Variants in LRP1 observed in about 807,000 individuals in gnomAD.
LRP1 encodes LDL receptor related protein 1, also known as prolow-density lipoprotein receptor-related protein 1.
A neutral mutation model predicts 541.5 loss-of-function variants in LRP1; 51 were observed. The observed-to-expected ratio is 0.09, with a 90% CI of 0.08 to 0.12. The LOEUF (loss-of-function observed/expected upper bound fraction) is 0.12. Among genes scored for constraint, LRP1 ranks in the 10% least tolerant of loss-of-function variants. The probability of loss-of-function intolerance (pLI) is 1.00; values close to 1 mark genes in which losing one functional copy is unlikely to be tolerated. For synonymous variants in LRP1, 2,219 were observed against 2,470.8 expected, an observed-to-expected ratio of 0.90 and a Z score of 3.02; for missense variants, 3,878 against 6,376.2, an observed-to-expected ratio of 0.61 and a Z score of 13.34.
Position 57,183,313 on chromosome 12 carries a change from G to A in LRP1, c.5663-66G>A. 3 of 1,532,098 alleles carry A rather than the reference G, an allele frequency of 2.0e-6. No individual in the cohort carries two copies. The highest frequency in any genetic ancestry group is 2.7e-6 in the Non-Finnish European group (3 of 1,122,032). The allele number at this position is 1,532,098 out of a possible 1,614,324, so 94.9% of individuals were successfully genotyped here. On this transcript the variant is annotated intron_variant, in intron 34 of 88. Transcript: ENST00000243077. The surrounding 1 kb of genome is among the most constrained non-coding windows in gnomAD (Gnocchi z 6.1). ...AAGGAGAAGCAGAGAACAGTTGGAGGGTGACAGGAACCAAGTTTAAGGGAG... is the reference window on the plus strand; with the variant it reads ...AAGGAGAAGCAGAGAACAGTTGGAGAGTGACAGGAACCAAGTTTAAGGGAG...
intron 41 of LRP1, among the ~76,000 whole-genome samples, chr12:57,186,693 C>T (rs2036277664): frequency 6.6e-6 from 1 of 152,174 alleles, no homozygotes; most frequent in Admixed American, 6.5e-5. Flanking sequence ...CACATCAATC[C>T]CCAGACCCCT....
chr12:57,185,523 TC>T lies in LRP1; in HGVS notation c.6464-3del. ...AGGCCCTGCCCTCTGTACCCTCCCCTCCCCCAGGCACCAACGTGTGCGCGGT... is the reference window on the plus strand; with the variant it reads ...AGGCCCTGCCCTCTGTACCCTCCCCTCCCCAGGCACCAACGTGTGCGCGGT... On this transcript the variant is annotated splice_polypyrimidine_tract_variant and splice_region_variant and intron_variant, in intron 40 of 88. Transcript: ENST00000243077. The surrounding 1 kb of genome is among the most constrained non-coding windows in gnomAD (Gnocchi z 4.9). The T allele has an allele frequency of 3.8e-6, 6 of 1,577,274 alleles. No homozygotes were observed. Among genetic ancestry groups the T allele is most frequent in the Non-Finnish European group, 1.7e-6 (2 of 1,159,418 alleles).
chr12:57,182,303 A>G (rs7398391), intron 34 of LRP1, among the ~76,000 whole-genome samples: 66,408 of 151,348 alleles, frequency 0.44, 16,471 homozygotes, highest in African/African-American at 0.68. Context: ...TTGAGGTCAG[A>G]AGTTTGAGAC....
chr12:57,203,743 C>A (rs2036708288), intron 70 of LRP1: 1 of 566,390 alleles, frequency 1.8e-6, no homozygotes, highest in Non-Finnish European at 2.9e-6. Context: ...TTGTGCCCAG[C>A]TCAATGCCCC....
chr12:57,151,703 G>T (rs899646561), intron 6 of LRP1, among the ~76,000 whole-genome samples: 1 of 152,184 alleles, frequency 6.6e-6, no homozygotes, highest in African/African-American at 2.4e-5. Context: ...TGGAGGCAAG[G>T]TTCCTCCTCT....
chr12:57,180,492 G>T lies in LRP1; in HGVS notation c.5386+13G>T, dbSNP rs1451730843. 6.2e-7 allele frequency: 1 copy of T among 1,613,552 alleles called. No homozygotes were observed. The highest frequency in any genetic ancestry group is 8.5e-7 in the Non-Finnish European group (1 of 1,179,872). ...CTGGCCATCATGGGTGAGGGCTGCTGGGCGAAGCAGAGATGACGCAGAGCA... is the reference window on the plus strand; with the variant it reads ...CTGGCCATCATGGGTGAGGGCTGCTTGGCGAAGCAGAGATGACGCAGAGCA... On this transcript the variant is annotated intron_variant, in intron 32 of 88. Coordinates refer to ENST00000243077, the MANE Select transcript of LRP1 (RefSeq NM_002332.3).
Position 57,158,044 on chromosome 12 carries a change from A to G in LRP1, c.1562-358A>G, listed in dbSNP as rs996703455. On this transcript the variant is annotated intron_variant, in intron 10 of 88. Transcript: ENST00000243077. This position sits in a 1 kb window ranked among gnomAD's most constrained non-coding sequence, Gnocchi z 5.3. ...GTGGGCAAGAAGTGATGTGGTTTAC[A>G]CTAGGATGGCAGCAGAGGAAGTGGT... Among the ~76,000 whole-genome samples, 2 of 152,204 alleles carry G rather than the reference A, an allele frequency of 1.3e-5. No individual in the cohort carries two copies. The highest frequency in any genetic ancestry group is 1.3e-4 in the Admixed American group (2 of 15,292).
chr12:57,201,700 G>C lies in LRP1; in HGVS notation c.10469-80G>C, dbSNP rs2036659693. The C allele has an allele frequency of 1.3e-6, 2 of 1,595,278 alleles. No individual in the cohort carries two copies. The highest frequency in any genetic ancestry group is 1.7e-6 in the Non-Finnish European group (2 of 1,167,022). ...ACCCCGACGTGTGACCCCCTCAGTG[G>C]CTGCTCCCTCACTCTCCCCACCCTC... On this transcript the variant is annotated intron_variant, in intron 66 of 88. Transcript: ENST00000243077. This position sits in a 1 kb window ranked among gnomAD's most constrained non-coding sequence, Gnocchi z 6.4.
Position 57,208,597 on chromosome 12 carries a change from C to T in LRP1, c.12039-114C>T, listed in dbSNP as rs2036838589. The T allele has an allele frequency of 7.6e-6, 5 of 656,764 alleles. 1 individual carries two copies. Among genetic ancestry groups the T allele is most frequent in the African/African-American group, 1.8e-5 (1 of 55,182 alleles). The allele number at this position is 656,764 out of a possible 1,614,324, so 40.7% of individuals were successfully genotyped here. A position where few individuals can be genotyped will look rare whatever the true frequency, so the allele number is the denominator to read the frequency against. ...GCTTCTCTGTAGAAGGACAGAATGC[C>T]CTCCTCCCAGTCCCCAGCAGTCCCT... On this transcript the variant is annotated intron_variant, in intron 77 of 88. Coordinates refer to ENST00000243077, the MANE Select transcript of LRP1 (RefSeq NM_002332.3).
chr12:57,187,715 A>G (rs1313383207), intron 42 of LRP1, among the ~76,000 whole-genome samples: 1 of 152,196 alleles, frequency 6.6e-6, no homozygotes, highest in African/African-American at 2.4e-5. Flanking sequence ...TGCCTTTGTG[A>G]TTGATTCATT....
chr12:57,181,266 C>G lies in LRP1; in HGVS notation c.5637C>G (p.Leu1879=). ...GCATGTGCACAGCCGGCTATAGCCTCCGGAGTGGCCAGCAGGCCTGCGAGG... is the reference window on the plus strand; with the variant it reads ...GCATGTGCACAGCCGGCTATAGCCTGCGGAGTGGCCAGCAGGCCTGCGAGG... The part of the protein sequence containing the change: ...RSCMCTAGYS[L]RSGQQACEGV... Residue 1879 remains leucine, a synonymous_variant, in exon 34 of 89, where the codon CTC becomes CTG. Transcript: ENST00000243077. 1 of 1,613,230 alleles carries G rather than the reference C, an allele frequency of 6.2e-7. No homozygotes were observed. The highest frequency in any genetic ancestry group is 8.5e-7 in the Non-Finnish European group (1 of 1,179,950).
At chr12:57,195,524 C>A in intron 52 of LRP1, 125 bp downstream of exon 52, 1 of 1,568,956 alleles carries the variant, frequency 6.4e-7, no homozygotes, top group South Asian at 1.2e-5. Context: ...GGAGCCATAG[C>A]TGTAGCCCAG....
chr12:57,179,798 C>T lies in LRP1; in HGVS notation c.4983C>T (p.His1661=), dbSNP rs372229812. The T allele has an allele frequency of 5.2e-5, 84 of 1,613,802 alleles. No individual in the cohort carries two copies. The highest frequency in any genetic ancestry group is 2.2e-4 in the Admixed American group (13 of 60,000). The change falls in exon 30 of 89, where the codon CAC becomes CAT. Residue 1661 remains histidine (H), a synonymous_variant. Transcript: ENST00000243077. The surrounding 1 kb of genome is among the most constrained non-coding windows in gnomAD (Gnocchi z 6.8). ...TGCCCCCAGACTTGCCAAATGCCCA[C>T]GGGCTGGCTGTGGACTGGGTCTCCC... ...TVVSADLPNA[H]GLAVDWVSRN...
At chr12:57,209,001 G>A in intron 78 of LRP1, 82 bp from the exon 79 acceptor site, 1 of 1,235,678 alleles carries the variant, frequency 8.1e-7, no homozygotes, top group Non-Finnish European at 1.2e-6. Context: ...GGGTGGAGCT[G>A]TCCCGGGCAT....
chr12:57,156,176 C>T lies in LRP1; in HGVS notation c.1310C>T (p.Thr437Met), dbSNP rs2035615194. The T allele has an allele frequency of 1.2e-6, 2 of 1,614,046 alleles. No individual in the cohort carries two copies. Among genetic ancestry groups the T allele is most frequent in the African/African-American group, 1.3e-5 (1 of 75,004 alleles). ...NSDNANAQQK[T>M]SVIRVNRFNS... ...GACAATGCCAATGCCCAGCAGAAGA[C>T]GAGTGTGATCCGTGTGAACCGCTTT... The change falls in exon 9 of 89, where the codon ACG (threonine) becomes ATG (methionine). Residue 437 changes from threonine (T) to methionine (M), a missense_variant. Physicochemically the swap from Thr to Met is moderately conservative, Grantham distance 81. This residue lies in a region of LRP1 where 496 missense variants were observed against 861.0 expected (regional missense o/e 0.58). Coordinates refer to ENST00000243077, the MANE Select transcript of LRP1 (RefSeq NM_002332.3). The surrounding 1 kb of genome is among the most constrained non-coding windows in gnomAD (Gnocchi z 5.2).
At chr12:57,145,160 T>G in intron 5 of LRP1, 60 bp downstream of exon 5, 1 of 1,613,360 alleles carries the variant, frequency 6.2e-7, no homozygotes, top group Non-Finnish European at 8.5e-7. Context: ...TGTTCCCTGG[T>G]GGGTGGTGGC....
At chr12:57,146,038 G>A (rs557230900) in intron 6 of LRP1, among the ~76,000 whole-genome samples, 2 of 152,280 alleles carry the variant, frequency 1.3e-5, no homozygotes, top group African/African-American at 4.8e-5. Context: ...GGAGAGGAGC[G>A]TGAGCCACAT....
chr12:57,162,927 G>A lies in LRP1; in HGVS notation c.2474G>A (p.Arg825His), dbSNP rs377737200. 7 of 1,608,112 alleles carry A rather than the reference G, an allele frequency of 4.4e-6. No homozygotes were observed. Among genetic ancestry groups the A allele is most frequent in the African/African-American group, 1.3e-5 (1 of 74,910 alleles). Residue 825 changes from arginine to histidine, a missense_variant, in exon 15 of 89, where the codon CGC becomes CAC. This residue lies in a region of LRP1 where 496 missense variants were observed against 861.0 expected (regional missense o/e 0.58). Coordinates refer to ENST00000243077, the MANE Select transcript of LRP1 (RefSeq NM_002332.3). This position sits in a 1 kb window ranked among gnomAD's most constrained non-coding sequence, Gnocchi z 5.2. ...CTGTGCTTGGCCACCCCTGGGAGCC[G>A]CCAGTGCGCCTGTGCTGAGGACCAG... ...SSLCLATPGSRQCACAEDQVL... is the reference protein window; with the variant it reads ...SSLCLATPGSHQCACAEDQVL...
In LRP1 at chr12:57,204,560, C is replaced by T. The variant is rs777349102; in HGVS notation, c.11071+31C>T. ...ATTTGGGGCGGGGCTCCCAGGCTTCCCAGTGGCCAGCAACCACCCCCACTC... is the reference window on the plus strand; with the variant it reads ...ATTTGGGGCGGGGCTCCCAGGCTTCTCAGTGGCCAGCAACCACCCCCACTC... On this transcript the variant is annotated intron_variant, in intron 71 of 88. Transcript: ENST00000243077. The surrounding 1 kb of genome is among the most constrained non-coding windows in gnomAD (Gnocchi z 5.3). The T allele has an allele frequency of 1.3e-5, 21 of 1,607,486 alleles. No individual in the cohort carries two copies. Among genetic ancestry groups the T allele is most frequent in the Middle Eastern group, 1.7e-4 (1 of 6,022 alleles).
Sources: allele counts gnomAD v4.1 joint callset (sites outside exome capture counted in the v4.1 genomes callset), GRCh38; gene constraint gnomAD v4.1.1; regional missense constraint gnomAD v4.1.1; non-coding constraint Gnocchi (gnomAD v3.1); transcripts MANE v1.5; gene names NCBI Gene and HGNC (gene_info 2026-07-23, HGNC 2026-07-21).